Variants in ZSWIM5 observed in about 807,000 individuals in gnomAD.
ZSWIM5 encodes zinc finger SWIM domain-containing protein 5.
A neutral mutation model predicts 119.6 loss-of-function variants in ZSWIM5; 55 were observed. That is an observed-to-expected ratio of 0.46 (90% CI 0.37 to 0.58). The LOEUF (loss-of-function observed/expected upper bound fraction) is 0.58, where lower values mean the gene tolerates loss of function less well. ZSWIM5 is among the 20% of genes least tolerant of loss of function. ZSWIM5 has a pLI of 0.00. For missense variants in ZSWIM5, 1,193 were observed against 1,512.8 expected (o/e 0.79, Z 3.51); for synonymous variants, 537 against 606.9 (o/e 0.88, Z 1.69).
chr1:45,141,803 G>A (rs72684471), intron 1 of ZSWIM5, among the ~76,000 whole-genome samples: 9,535 of 132,264 alleles, frequency 0.072, 344 homozygotes, highest in East Asian at 0.11. Context: ...AGATAAAAAA[G>A]AATATCATGT....
chr1:45,206,397 T>TGCG lies in ZSWIM5; in HGVS notation c.-50_-48dup. On this transcript the variant is annotated 5_prime_UTR_variant, in exon 1 of 14. Transcript: ENST00000359600. ...CTGAGGCGGCGGCGGCTGCTCGGGC[T>TGCG]GCGGCGGAGACCCTGGCCACGGCCA... is the stretch of plus-strand genomic sequence containing the variant. The TGCG allele has an allele frequency of 7.4e-7, 1 of 1,349,526 alleles. No individual in the cohort carries two copies. 83.6% of individuals were successfully genotyped at this position (1,349,526 alleles called of 1,614,324 possible).
Position 45,155,272 on chromosome 1 carries a change from GA to G in ZSWIM5, c.595+50483del, listed in dbSNP as rs1312451934. 7.2e-5 allele frequency among the ~76,000 whole-genome samples: 11 copies of G among 152,032 alleles called. No homozygotes were observed. In the East Asian group the frequency reaches 1.9e-3, roughly 27 times the overall value. On this transcript the variant is annotated intron_variant, in intron 1 of 13. Transcript: ENST00000359600. ...AGATATACAAATGACAAACAAACAT[GA>G]AAAAATGCTCACCATAAATTATCAG...
At chr1:45,176,462 G>A (rs61789766) in intron 1 of ZSWIM5, among the ~76,000 whole-genome samples, 10,479 of 151,896 alleles carry the variant, frequency 0.069, 488 homozygotes, top group Non-Finnish European at 0.097. Context: ...ACGGGGTTTC[G>A]TCATGTTGGC....
chr1:45,193,196 T>G (rs1219743719), intron 1 of ZSWIM5, among the ~76,000 whole-genome samples: 1 of 152,212 alleles, frequency 6.6e-6, no homozygotes, highest in Non-Finnish European at 1.5e-5. Flanking sequence ...GATTAAGTTC[T>G]GGTCTCCACC....
In ZSWIM5 at chr1:45,190,927, A is replaced by ATTTTTTTTTTTTT. The variant is rs746764436; in HGVS notation, c.595+14816_595+14828dup. ...TCCATGTTCGACTGAAATAGCTGGA[A>ATTTTTTTTTTTTT]TTTTTTTTTTTTTTTTTTTTTTTTT... On this transcript the variant is annotated intron_variant, in intron 1 of 13. Transcript: ENST00000359600. Among the ~76,000 whole-genome samples, 19 of 49,004 alleles carry ATTTTTTTTTTTTT rather than the reference A, an allele frequency of 3.9e-4. 6 individuals are homozygous for ATTTTTTTTTTTTT. In the East Asian group the frequency reaches 6.6e-3, roughly 17 times the overall value. The allele number at this position is 49,004 out of a possible 152,430, so 32.1% of individuals were successfully genotyped here. A position where few individuals can be genotyped will look rare whatever the true frequency, so the allele number is the denominator to read the frequency against.
chr1:45,062,253 C>A (rs759156594), intron 2 of ZSWIM5, among the ~76,000 whole-genome samples: 16 of 152,164 alleles, frequency 1.1e-4, no homozygotes, highest in Non-Finnish European at 1.8e-4. Context: ...GTTACAAATT[C>A]ATGTCATGTT....
chr1:45,206,042 C>T lies in ZSWIM5; in HGVS notation c.309G>A (p.Pro103=), dbSNP rs902491100. 6.2e-7 allele frequency: 1 copy of T among 1,607,154 alleles called. No homozygotes were observed. The highest frequency in any genetic ancestry group is 8.5e-7 in the Non-Finnish European group (1 of 1,177,398). The change falls in exon 1 of 14, where the codon CCG becomes CCA. Residue 103 remains proline, a synonymous_variant. Coordinates refer to ENST00000359600, the MANE Select transcript of ZSWIM5 (RefSeq NM_020883.2). The stretch of plus-strand genomic sequence containing the variant: ...ACATGCAGATCTCCCGCTCATTCCG[C>T]GGGAAGGACCAGTAGACGATGCGGC... The part of the protein sequence containing the change: ...VQRRIVYWSF[P]RNEREICMYS...
chr1:45,060,003 C>A, intron 3 of ZSWIM5, 96 bp downstream of exon 3: 1 of 1,422,266 alleles, frequency 7.0e-7, no homozygotes, highest in African/African-American at 1.4e-5. Flanking sequence ...GTCAAGTGAG[C>A]TAGGTATAAT....
chr1:45,076,907 T>C (rs1467067263), intron 2 of ZSWIM5, among the ~76,000 whole-genome samples: 2 of 152,046 alleles, frequency 1.3e-5, no homozygotes, highest in Non-Finnish European at 2.9e-5. Flanking sequence ...TGCATTCTTC[T>C]GTATGCCAAT....
At chr1:45,050,705 C>G (rs960907150) in intron 5 of ZSWIM5, among the ~76,000 whole-genome samples, 1 of 152,166 alleles carries the variant, frequency 6.6e-6, no homozygotes, top group Non-Finnish European at 1.5e-5. Flanking sequence ...TTGCTTCTTA[C>G]AGGTCTTTTG....
chr1:45,086,240 G>A (rs1361365775), intron 2 of ZSWIM5, among the ~76,000 whole-genome samples: 1 of 152,128 alleles, frequency 6.6e-6, no homozygotes, highest in African/African-American at 2.4e-5. Flanking sequence ...ACAGAGAGGG[G>A]GAAATCTGCC....
Position 45,064,153 on chromosome 1 carries a change from T to G in ZSWIM5, c.953-3906A>C, listed in dbSNP as rs373580137. On this transcript the variant is annotated intron_variant, in intron 2 of 13. Coordinates refer to ENST00000359600, the MANE Select transcript of ZSWIM5 (RefSeq NM_020883.2). The stretch of plus-strand genomic sequence containing the variant: ...GTATGCCCATCTTATTACGCTCATG[T>G]GCTCAGCATATAAAGGCAATAACTC... Among the ~76,000 whole-genome samples the G allele has an allele frequency of 7.2e-5, 11 of 152,336 alleles. No homozygotes were observed. The East Asian group carries it at 1.9e-3, about 27-fold the overall frequency.
intron 1 of ZSWIM5, among the ~76,000 whole-genome samples, chr1:45,159,976 TGAACTC>T (rs1484350107): frequency 3.3e-5 from 5 of 152,288 alleles, no homozygotes; most frequent in African/African-American, 1.2e-4. Context: ...ACTTTTTTGA[TGAACTC>T]TACTCACCAA....
chr1:45,156,732 AAAAAAAG>A lies in ZSWIM5; in HGVS notation c.595+49017_595+49023del, dbSNP rs1455351772. ...GTAGTGTGGGAAGTTAAAAAAAAAA[AAAAAAAG>A]AACACACTGCACAGGTGATTGAGAA... On this transcript the variant is annotated intron_variant, in intron 1 of 13. Transcript: ENST00000359600. Among the ~76,000 whole-genome samples the A allele has an allele frequency of 1.0e-3, 156 of 151,970 alleles. 1 individual carries two copies. Among genetic ancestry groups the A allele is most frequent in the African/African-American group, 3.6e-3 (150 of 41,500 alleles).
intron 1 of ZSWIM5, among the ~76,000 whole-genome samples, chr1:45,105,017 C>A (rs569113497): frequency 6.6e-6 from 1 of 152,372 alleles, no homozygotes; most frequent in Admixed American, 6.5e-5. Context: ...AGACTGAGAT[C>A]TTCGGCTCGC....
chr1:45,095,290 A>T (rs11588448), intron 1 of ZSWIM5, among the ~76,000 whole-genome samples: 2 of 150,922 alleles, frequency 1.3e-5, no homozygotes, highest in African/African-American at 2.4e-5. Flanking sequence ...ACCATCTCTA[A>T]TTTTTTTTTA....
rs377217727 is a variant in ZSWIM5, at chr1:45,086,881, A to ATT, written c.952+998_952+999dup. On this transcript the variant is annotated intron_variant, in intron 2 of 13. Coordinates refer to ENST00000359600, the MANE Select transcript of ZSWIM5 (RefSeq NM_020883.2). ...CTGGCTTATTAACTCTTCTTCTTAA[A>ATT]TTTTTTTTTTTTTTTTTTTTGAGAT... is the stretch of plus-strand genomic sequence containing the variant. Among the ~76,000 whole-genome samples the ATT allele has an allele frequency of 1.3e-3, 176 of 131,926 alleles. 3 individuals are homozygous for ATT. Among genetic ancestry groups the ATT allele is most frequent in the Admixed American group, 1.5e-3 (19 of 12,798 alleles). 86.5% of individuals were successfully genotyped at this position (131,926 alleles called of 152,430 possible).
chr1:45,046,887 G>T (rs1645058474), intron 5 of ZSWIM5, among the ~76,000 whole-genome samples: 1 of 151,686 alleles, frequency 6.6e-6, no homozygotes, highest in Non-Finnish European at 1.5e-5. Context: ...AGTCAGGCGT[G>T]GTGGTGGGCA....
intron 5 of ZSWIM5, 93 bp from the exon 6 acceptor site, chr1:45,043,488 T>C: frequency 2.4e-6 from 3 of 1,261,482 alleles, no homozygotes; most frequent in Non-Finnish European, 3.4e-6. Flanking sequence ...GGCTGAATAA[T>C]AGTATTTTAA....
Sources: allele counts gnomAD v4.1 joint callset (sites outside exome capture counted in the v4.1 genomes callset), GRCh38; gene constraint gnomAD v4.1.1; transcripts MANE v1.5; gene names NCBI Gene and HGNC (gene_info 2026-07-23, HGNC 2026-07-21).